Variants in CSE1L observed in about 807,000 individuals in gnomAD.
CSE1L encodes the protein chromosome segregation 1 like.
Under a neutral mutation model 120.4 loss-of-function variants are expected in CSE1L, and 24 were observed. The observed-to-expected ratio is 0.20, with a 90% CI of 0.14 to 0.28. The LOEUF is 0.28. Among genes scored for constraint, CSE1L ranks in the 10% least tolerant of loss-of-function variants. The probability of loss-of-function intolerance (pLI) is 1.00; values close to 1 mark genes in which losing one functional copy is unlikely to be tolerated. For synonymous variants in CSE1L, 402 were observed against 398.3 expected, an observed-to-expected ratio of 1.01 and a Z score of -0.11; for missense variants, 830 against 1,145.2, an observed-to-expected ratio of 0.72 and a Z score of 3.97.
At chr20:49,079,361 G>T (rs1225667054) in intron 14 of CSE1L, among the ~76,000 whole-genome samples, 6 of 151,740 alleles carry the variant, frequency 4.0e-5, no homozygotes, top group Non-Finnish European at 7.4e-5. Flanking sequence ...CTAGTAGCTG[G>T]GATTACAGGC....
intron 21 of CSE1L, among the ~76,000 whole-genome samples, chr20:49,091,798 T>C (rs188184316): frequency 6.6e-6 from 1 of 152,346 alleles, no homozygotes; most frequent in East Asian, 1.9e-4. Flanking sequence ...GTTCCAGAGG[T>C]TGGTTTATGG....
intron 16 of CSE1L, among the ~76,000 whole-genome samples, chr20:49,086,998 A>AAG (rs2092064021): frequency 6.6e-6 from 1 of 152,182 alleles, no homozygotes; most frequent in African/African-American, 2.4e-5. Context: ...TTCAGGAGGC[A>AAG]AGAGCAGATA....
rs140513534 is a variant in CSE1L, at chr20:49,072,645, C to T, written c.1014C>T (p.Asn338=). ...ATAAGAATCTATTTGAGGACCAGAA[C>T]ACGCTGACAAGTATCTGTGAAAAGG... ...PHYKNLFEDQ[N]TLTSICEKVI... is the part of the protein sequence containing the mutation. The change falls in exon 10 of 25, where the codon AAC becomes AAT. Residue 338 remains asparagine, a synonymous_variant. Coordinates refer to ENST00000262982, the MANE Select transcript of CSE1L (RefSeq NM_001316.4). 3.1e-6 allele frequency: 5 copies of T among 1,613,682 alleles called. No individual in the cohort carries two copies. The African/African-American group carries it at 5.3e-5, about 17-fold the overall frequency.
intron 1 of CSE1L, among the ~76,000 whole-genome samples, chr20:49,046,875 G>T (rs1208305412): frequency 2.0e-5 from 3 of 152,236 alleles, no homozygotes; most frequent in African/African-American, 7.2e-5. Context: ...GCCCGGGCGG[G>T]GACTGCGGGC....
intron 22 of CSE1L, among the ~76,000 whole-genome samples, chr20:49,093,137 A>C (rs1218206791): frequency 6.6e-6 from 1 of 152,228 alleles, no homozygotes; most frequent in Non-Finnish European, 1.5e-5. Context: ...TTGACTAAAA[A>C]ATGAATTACT....
intron 22 of CSE1L, among the ~76,000 whole-genome samples, chr20:49,092,443 C>T (rs1189944900): frequency 5.9e-5 from 9 of 151,814 alleles, no homozygotes; most frequent in Non-Finnish European, 1.3e-4. Context: ...TTGTTCTAAT[C>T]CTCTAGATTA....
intron 1 of CSE1L, among the ~76,000 whole-genome samples, chr20:49,048,130 C>T (rs6019613): frequency 0.36 from 53,441 of 149,210 alleles, 10,406 homozygotes; most frequent in African/African-American, 0.52. Context: ...TGGCCTTTCT[C>T]TGTGTGTGTC....
chr20:49,085,222 G>A, intron 15 of CSE1L, 61 bp from the exon 16 acceptor site: 1 of 1,252,788 alleles, frequency 8.0e-7, no homozygotes, highest in Non-Finnish European at 1.2e-6. Context: ...GTTGCCAAGG[G>A]TAATCTGCAG....
At chr20:49,062,577 G>A (rs921307982) in intron 2 of CSE1L, among the ~76,000 whole-genome samples, 3 of 152,058 alleles carry the variant, frequency 2.0e-5, no homozygotes, top group African/African-American at 7.2e-5. Context: ...CTTAGGGCTG[G>A]TAAGGTAAAA....
At chr20:49,054,692 GC>G (rs1040606558) in intron 1 of CSE1L, among the ~76,000 whole-genome samples, 2 of 152,058 alleles carry the variant, frequency 1.3e-5, no homozygotes, top group African/African-American at 2.4e-5. Flanking sequence ...ACCATTACCA[GC>G]CCAAAGGTCC....
At chr20:49,046,657 C>A (rs552416839) in intron 1 of CSE1L, among the ~76,000 whole-genome samples, 1 of 152,364 alleles carries the variant, frequency 6.6e-6, no homozygotes, top group East Asian at 1.9e-4. Flanking sequence ...TGCGGCGACC[C>A]CAGGGCCTGT....
At position 49,062,245 on chromosome 20, in the gene CSE1L, C is replaced by T. The variant is rs183011342; in HGVS notation, c.86-957C>T. Among the ~76,000 whole-genome samples the T allele has an allele frequency of 8.8e-4, 134 of 152,248 alleles. 1 individual carries two copies. Among genetic ancestry groups the T allele is most frequent in the Non-Finnish European group, 1.5e-3 (101 of 68,022 alleles). Reference sequence around the variant, plus strand: ...TTTCAGTTTAACAATCTTCATCCTTCAAGAAAGACATGATAAGCACAAAGC... The same window carrying T: ...TTTCAGTTTAACAATCTTCATCCTTTAAGAAAGACATGATAAGCACAAAGC... On this transcript the variant is annotated intron_variant, in intron 2 of 24. Transcript: ENST00000262982.
At chr20:49,092,441 A>T (rs2092108793) in intron 22 of CSE1L, among the ~76,000 whole-genome samples, 1 of 151,856 alleles carries the variant, frequency 6.6e-6, no homozygotes, top group Non-Finnish European at 1.5e-5. Flanking sequence ...CATTGTTCTA[A>T]TCCTCTAGAT....
chr20:49,077,153 CTT>C (rs11439721), intron 13 of CSE1L, 89 bp downstream of exon 13: 4,687 of 397,906 alleles, frequency 0.012, no homozygotes, highest in South Asian at 0.013. Flanking sequence ...CCCTTTTGTT[CTT>C]TTTTTTTTTT....
chr20:49,075,749 C>T (rs113941994), intron 12 of CSE1L, among the ~76,000 whole-genome samples: 5 of 152,210 alleles, frequency 3.3e-5, no homozygotes, highest in South Asian at 2.1e-4. Flanking sequence ...AGCTGAGACC[C>T]GCTGTATCAA....
In CSE1L at chr20:49,067,031, CAAAAA is replaced by C. The variant is rs60161542; in HGVS notation, c.477-138_477-134del. The stretch of plus-strand genomic sequence containing the variant: ...TGGGCGACAGAGCGAGACTCCGTCT[CAAAAA>C]AAAAAAAAAAAAAAAAAAAAGAATT... On this transcript the variant is annotated intron_variant, in intron 5 of 24. Transcript: ENST00000262982. Among the ~76,000 whole-genome samples, 768 of 100,742 alleles carry C rather than the reference CAAAAA, an allele frequency of 7.6e-3. 3 individuals carry two copies. Among genetic ancestry groups the C allele is most frequent in the African/African-American group, 0.03 (719 of 23,656 alleles). 66.1% of individuals were successfully genotyped at this position (100,742 alleles called of 152,430 possible).
At chr20:49,069,729 T>C (rs987906833) in intron 7 of CSE1L, among the ~76,000 whole-genome samples, 1 of 152,242 alleles carries the variant, frequency 6.6e-6, no homozygotes, top group African/African-American at 2.4e-5. Context: ...TGAGAACTTG[T>C]CTGGCAGGGA....
At chr20:49,066,088 T>A in intron 3 of CSE1L, 104 bp from the exon 4 acceptor site, 2 of 955,350 alleles carry the variant, frequency 2.1e-6, no homozygotes, top group Non-Finnish European at 3.1e-6. Context: ...CTATTTGTTT[T>A]CTTAGAAAAT....
chr20:49,084,236 T>A, intron 15 of CSE1L, 74 bp downstream of exon 15: 1 of 1,377,344 alleles, frequency 7.3e-7, no homozygotes, highest in Middle Eastern at 1.9e-4. Context: ...ATCTGAATGT[T>A]TTCATAATTT....
Sources: allele counts gnomAD v4.1 joint callset (sites outside exome capture counted in the v4.1 genomes callset), GRCh38; gene constraint gnomAD v4.1.1; transcripts MANE v1.5; gene names NCBI Gene and HGNC (gene_info 2026-07-23, HGNC 2026-07-21).